The following KAT6B variants were observed in gnomAD, a reference collection of about 807,000 sequenced individuals.
The protein encoded by KAT6B is histone acetyltransferase KAT6B.
KAT6B carries 10 observed loss-of-function variants against 187.5 expected under a neutral mutation model. The ratio of observed to expected loss-of-function variants is 0.05; its 90% CI spans 0.03 to 0.09. The LOEUF (loss-of-function observed/expected upper bound fraction) is 0.09, where lower values mean the gene tolerates loss of function less well. Ranked by LOEUF, KAT6B falls within the 10% of genes least tolerant of loss-of-function variation. The pLI is 1.00. For missense variants in KAT6B, 1,952 were observed against 2,558.9 expected, an observed-to-expected ratio of 0.76 and a Z score of 5.12; for synonymous variants, 861 against 926.8, an observed-to-expected ratio of 0.93 and a Z score of 1.29.
chr10:74,900,761 C>G (rs1468206130), intron 3 of KAT6B, among the ~76,000 whole-genome samples: 1 of 152,210 alleles, frequency 6.6e-6, no homozygotes. Context: ...CAATAGCTAT[C>G]ACTGCCTACC....
chr10:74,955,132 T>G (rs1274230086), intron 3 of KAT6B, among the ~76,000 whole-genome samples: 1 of 152,250 alleles, frequency 6.6e-6, no homozygotes, highest in African/African-American at 2.4e-5. Flanking sequence ...CCATATACTT[T>G]AAATCATTTC....
chr10:74,946,312 T>C (rs985788415), intron 3 of KAT6B, among the ~76,000 whole-genome samples: 1 of 152,248 alleles, frequency 6.6e-6, no homozygotes, highest in African/African-American at 2.4e-5. Context: ...ATTTGCATTT[T>C]CTTTTTCTTA....
chr10:74,958,158 G>C (rs1280226926), intron 3 of KAT6B, among the ~76,000 whole-genome samples: 1 of 152,040 alleles, frequency 6.6e-6, no homozygotes, highest in Non-Finnish European at 1.5e-5. Context: ...ATGACATGTT[G>C]TCCCAAGGAA....
At chr10:75,001,892 C>T (rs903311474) in intron 13 of KAT6B, among the ~76,000 whole-genome samples, 8 of 152,258 alleles carry the variant, frequency 5.3e-5, no homozygotes, top group South Asian at 2.1e-4. Flanking sequence ...CAGGAGCCAC[C>T]GGCTTCTCCC....
intron 3 of KAT6B, among the ~76,000 whole-genome samples, chr10:74,887,002 A>G (rs1359335552): frequency 2.0e-5 from 3 of 152,178 alleles, no homozygotes; most frequent in South Asian, 2.1e-4. Flanking sequence ...CAGAGGAATC[A>G]AAGACCTGAT....
chr10:74,828,090 T>G (rs1840407789), intron 1 of KAT6B, among the ~76,000 whole-genome samples: 1 of 152,126 alleles, frequency 6.6e-6, no homozygotes, highest in Non-Finnish European at 1.5e-5. Flanking sequence ...TGCTAGTACT[T>G]TGCTGTGGGC....
chr10:74,867,456 A>G (rs181135101), intron 3 of KAT6B, among the ~76,000 whole-genome samples: 2 of 152,332 alleles, frequency 1.3e-5, no homozygotes, highest in East Asian at 1.9e-4. Context: ...TCAATTGAAT[A>G]AAACATATTA....
chr10:74,999,389 C>T (rs547570042), intron 13 of KAT6B, among the ~76,000 whole-genome samples: 18 of 152,112 alleles, frequency 1.2e-4, no homozygotes, highest in Non-Finnish European at 2.2e-4. Context: ...CGTGGACATG[C>T]GGTGGTAGCT....
intron 3 of KAT6B, among the ~76,000 whole-genome samples, chr10:74,850,894 G>T (rs1328379052): frequency 6.6e-6 from 1 of 152,132 alleles, no homozygotes; most frequent in Non-Finnish European, 1.5e-5. Flanking sequence ...TTTATTAAGT[G>T]TCAAGTCTTG....
chr10:74,899,924 A>G (rs1432715756), intron 3 of KAT6B, among the ~76,000 whole-genome samples: 1 of 152,252 alleles, frequency 6.6e-6, no homozygotes, highest in African/African-American at 2.4e-5. Flanking sequence ...TAAATCAATT[A>G]CACATGAAAC....
chr10:74,982,000 T>A, intron 11 of KAT6B, 72 bp downstream of exon 11: 2 of 1,397,630 alleles, frequency 1.4e-6, no homozygotes, highest in Non-Finnish European at 2.0e-6. Context: ...ATGTGCTGAT[T>A]TGTGTTTAGA....
chr10:74,864,748 C>T (rs1225226531), intron 3 of KAT6B, among the ~76,000 whole-genome samples: 1 of 152,196 alleles, frequency 6.6e-6, no homozygotes, highest in Non-Finnish European at 1.5e-5. Flanking sequence ...GTTGACTCCA[C>T]ACATACAGAG....
chr10:75,005,833 G>A (rs896497044), intron 13 of KAT6B, among the ~76,000 whole-genome samples: 2 of 151,956 alleles, frequency 1.3e-5, no homozygotes, highest in Non-Finnish European at 2.9e-5. Flanking sequence ...ATAGAGGAAC[G>A]CTTTTTTTCA....
intron 8 of KAT6B, 69 bp downstream of exon 8, chr10:74,976,399 C>A: frequency 2.4e-6 from 3 of 1,272,650 alleles, no homozygotes; most frequent in Non-Finnish European, 3.4e-6. Flanking sequence ...TGAAAAAAAT[C>A]AACCAATCAA....
intron 3 of KAT6B, among the ~76,000 whole-genome samples, chr10:74,939,277 G>A (rs940025163): frequency 7.9e-5 from 12 of 152,116 alleles, no homozygotes; most frequent in African/African-American, 2.4e-4. Context: ...ACTAATCTTT[G>A]ATATTAACTA....
At chr10:74,911,900 G>T (rs1847228103) in intron 3 of KAT6B, among the ~76,000 whole-genome samples, 1 of 152,038 alleles carries the variant, frequency 6.6e-6, no homozygotes, top group South Asian at 2.1e-4. Flanking sequence ...CATGATCCTG[G>T]ACTCAAACAA....
chr10:74,995,475 TC>T (rs1341970582), intron 13 of KAT6B, among the ~76,000 whole-genome samples: 1 of 152,210 alleles, frequency 6.6e-6, no homozygotes, highest in Admixed American at 6.5e-5. Context: ...CATTCCCTCA[TC>T]CTTTCCTGCA....
intron 8 of KAT6B, chr10:74,976,588 A>C: frequency 1.9e-6 from 1 of 532,868 alleles, no homozygotes. Context: ...TAGGACCCCC[A>C]GATGCCTTCA....
intron 16 of KAT6B, chr10:75,023,872 A>G (rs553666481): frequency 1.3e-5 from 2 of 152,180 alleles, no homozygotes; most frequent in East Asian, 3.9e-4. Flanking sequence ...TTAAAATAAT[A>G]ATAATAATAA....
Sources: gnomAD v4.1 joint callset for allele counts (sites outside exome capture counted in the v4.1 genomes callset) on GRCh38, gnomAD v4.1.1 for gene constraint, MANE v1.5 for transcripts, NCBI Gene and HGNC (gene_info 2026-07-23, HGNC 2026-07-21) for gene names.